CNTNAP2: variants seen among roughly 807,000 people sequenced by gnomAD.
CNTNAP2 encodes the protein contactin-associated protein-like 2.
A neutral mutation model predicts 155.2 loss-of-function variants in CNTNAP2; 98 were observed. That is an observed-to-expected ratio of 0.63 (90% CI 0.54 to 0.75). The LOEUF is 0.75. CNTNAP2 is among the 30% of genes least tolerant of loss of function. The probability of loss-of-function intolerance (pLI) is 0.00; values close to 1 mark genes in which losing one functional copy is unlikely to be tolerated. For synonymous variants in CNTNAP2, 651 were observed against 631.2 expected (o/e 1.03, Z -0.47); for missense variants, 1,727 against 1,688.1 (o/e 1.02, Z -0.40).
intron 9 of CNTNAP2, among the ~76,000 whole-genome samples, chr7:147,308,898 T>A (rs1053300697): frequency 4.6e-5 from 7 of 152,178 alleles, no homozygotes; most frequent in Non-Finnish European, 1.0e-4. Context: ...CTATGGTAAA[T>A]TAAAATTCCA....
chr7:146,279,395 T>C (rs931721687), intron 1 of CNTNAP2, among the ~76,000 whole-genome samples: 1 of 151,506 alleles, frequency 6.6e-6, no homozygotes, highest in African/African-American at 2.4e-5. Flanking sequence ...TTCATAGAAG[T>C]TCTTGTTACT....
chr7:147,450,632 A>G (rs1296853976), intron 10 of CNTNAP2, among the ~76,000 whole-genome samples: 1 of 152,230 alleles, frequency 6.6e-6, no homozygotes. Flanking sequence ...CAGCCTTTAT[A>G]AATGACTCCA....
At chr7:146,965,267 G>A (rs996850769) in intron 3 of CNTNAP2, among the ~76,000 whole-genome samples, 2 of 152,130 alleles carry the variant, frequency 1.3e-5, no homozygotes, top group Non-Finnish European at 2.9e-5. Flanking sequence ...AACCCTGGGA[G>A]AGCCATGTTC....
intron 3 of CNTNAP2, among the ~76,000 whole-genome samples, chr7:146,952,584 A>G (rs1166731629): frequency 6.6e-6 from 1 of 152,176 alleles, no homozygotes; most frequent in African/African-American, 2.4e-5. Flanking sequence ...GCGAAGTCTC[A>G]GGATATAAAA....
At chr7:146,907,993 T>C (rs1796177733) in intron 3 of CNTNAP2, among the ~76,000 whole-genome samples, 1 of 151,970 alleles carries the variant, frequency 6.6e-6, no homozygotes, top group South Asian at 2.1e-4. Flanking sequence ...AAGGCAGGGG[T>C]TGCAATCCTA....
intron 1 of CNTNAP2, among the ~76,000 whole-genome samples, chr7:146,459,661 A>T (rs1390583385): frequency 6.6e-6 from 1 of 152,092 alleles, no homozygotes; most frequent in Non-Finnish European, 1.5e-5. Context: ...AGCCACAAGG[A>T]GGTTTTAAAA....
chr7:147,137,338 A>G (rs1801504849), intron 8 of CNTNAP2, among the ~76,000 whole-genome samples: 1 of 151,350 alleles, frequency 6.6e-6, no homozygotes, highest in African/African-American at 2.4e-5. Flanking sequence ...TAGGAATTTT[A>G]TTTCATTCCA....
At chr7:147,955,789 C>T (rs1001312910) in intron 14 of CNTNAP2, among the ~76,000 whole-genome samples, 1 of 152,130 alleles carries the variant, frequency 6.6e-6, no homozygotes, top group African/African-American at 2.4e-5. Context: ...AGAGCAAAAG[C>T]GCCGTGCACA....
intron 1 of CNTNAP2, among the ~76,000 whole-genome samples, chr7:146,545,829 G>A (rs1798021792): frequency 6.6e-6 from 1 of 151,854 alleles, no homozygotes; most frequent in Non-Finnish European, 1.5e-5. Flanking sequence ...CCATTACTGG[G>A]TATATACCCA....
At chr7:148,302,358 A>C (rs1797410505) in intron 21 of CNTNAP2, among the ~76,000 whole-genome samples, 1 of 152,172 alleles carries the variant, frequency 6.6e-6, no homozygotes, top group Non-Finnish European at 1.5e-5. Flanking sequence ...ATGAAATGAA[A>C]AGTCTAATGC....
intron 12 of CNTNAP2, among the ~76,000 whole-genome samples, chr7:147,611,093 A>G (rs1305316670): frequency 1.3e-5 from 1 of 79,784 alleles, no homozygotes; most frequent in South Asian, 3.5e-4. Context: ...AGATATTAGG[A>G]GTGATTTTTT....
chr7:146,574,655 C>G (rs750159686), intron 1 of CNTNAP2, among the ~76,000 whole-genome samples: 1 of 152,042 alleles, frequency 6.6e-6, no homozygotes, highest in Non-Finnish European at 1.5e-5. Flanking sequence ...GAGCCAAGAT[C>G]GCACCACTGC....
chr7:146,258,057 A>C (rs1020498309), intron 1 of CNTNAP2, among the ~76,000 whole-genome samples: 6 of 151,908 alleles, frequency 3.9e-5, no homozygotes, highest in Admixed American at 1.3e-4. Context: ...TTGCCTGACT[A>C]ATTTTTGTAT....
At chr7:146,585,626 C>T (rs1487164975) in intron 1 of CNTNAP2, among the ~76,000 whole-genome samples, 1 of 150,992 alleles carries the variant, frequency 6.6e-6, no homozygotes, top group Non-Finnish European at 1.5e-5. Flanking sequence ...TCAGAGTTAC[C>T]TATTAAAAAT....
intron 3 of CNTNAP2, among the ~76,000 whole-genome samples, chr7:146,944,883 A>AAAAAAG (rs199993382): frequency 6.6e-6 from 1 of 151,838 alleles, no homozygotes; most frequent in Non-Finnish European, 1.5e-5. Flanking sequence ...GTCTAAAAAA[A>AAAAAAG]AAAAAGAAAA....
chr7:147,546,554 TA>T (rs1277613394), intron 11 of CNTNAP2, among the ~76,000 whole-genome samples: 2 of 152,108 alleles, frequency 1.3e-5, no homozygotes, highest in Non-Finnish European at 2.9e-5. Flanking sequence ...TTTTGAGGAT[TA>T]AAAAAAGTAG....
intron 2 of CNTNAP2, among the ~76,000 whole-genome samples, chr7:146,838,453 G>A (rs1345447507): frequency 6.6e-6 from 1 of 152,038 alleles, no homozygotes; most frequent in East Asian, 1.9e-4. Flanking sequence ...CAGTAGCTGG[G>A]ATTACAGGCA....
At chr7:146,493,313 T>A (rs571107573) in intron 1 of CNTNAP2, among the ~76,000 whole-genome samples, 1 of 152,302 alleles carries the variant, frequency 6.6e-6, no homozygotes, top group East Asian at 1.9e-4. Flanking sequence ...CAAAAAAATC[T>A]AGAAAATGAA....
chr7:148,140,276 C>T (rs1036824087), intron 16 of CNTNAP2, among the ~76,000 whole-genome samples: 4 of 152,044 alleles, frequency 2.6e-5, no homozygotes, highest in Non-Finnish European at 4.4e-5. Context: ...ACTGAGACTC[C>T]GTTATATAGG....
Sources: gnomAD v4.1 joint callset for allele counts (sites outside exome capture counted in the v4.1 genomes callset) on GRCh38, gnomAD v4.1.1 for gene constraint, MANE v1.5 for transcripts, NCBI Gene and HGNC (gene_info 2026-07-23, HGNC 2026-07-21) for gene names.